The following APPL2 variants were observed in gnomAD, a reference collection of about 807,000 sequenced individuals.
APPL2 encodes DCC-interacting protein 13-beta.
Under a neutral mutation model 92.7 loss-of-function variants are expected in APPL2, and 84 were observed. That is an observed-to-expected ratio of 0.91 (90% CI 0.76 to 1.09). The LOEUF is 1.09. Ranked by LOEUF, APPL2 falls within the 50% of genes least tolerant of loss-of-function variation. The pLI is 0.00. For synonymous variants in APPL2, 291 were observed against 291.0 expected, an observed-to-expected ratio of 1.00 and a Z score of 0.00; for missense variants, 736 against 824.5, an observed-to-expected ratio of 0.89 and a Z score of 1.31.
chr12:105,177,360 A>G, intron 17 of APPL2, 98 bp from the exon 18 acceptor site: 1 of 1,290,200 alleles, frequency 7.8e-7, no homozygotes, highest in Non-Finnish European at 1.1e-6. Flanking sequence ...AATTCCCCGA[A>G]ATAGAGATAA....
chr12:105,234,969 C>G (rs527664918), intron 1 of APPL2, among the ~76,000 whole-genome samples: 1 of 152,056 alleles, frequency 6.6e-6, no homozygotes, highest in Non-Finnish European at 1.5e-5. Flanking sequence ...TCTGAACTGT[C>G]GATGTAGGTA....
Position 105,235,935 on chromosome 12 carries a change from GGGCACCGGAGCGGCGGGA to G in APPL2, c.54+6_54+23del. 3 of 1,238,944 alleles carry G rather than the reference GGGCACCGGAGCGGCGGGA, an allele frequency of 2.4e-6. No homozygotes were observed. The highest frequency in any genetic ancestry group is 3.1e-6 in the Non-Finnish European group (3 of 983,370). 76.7% of individuals were successfully genotyped at this position (1,238,944 alleles called of 1,614,324 possible). On this transcript the variant is annotated splice_donor_region_variant and intron_variant, in intron 1 of 20. Transcript: ENST00000258530. ...CCTCGGCCTCACCCCTGCGGGCGAGGGGCACCGGAGCGGCGGGAGGTACCTGGGGGCTGTCCTGCAACG... is the reference window on the plus strand; with the variant it reads ...CCTCGGCCTCACCCCTGCGGGCGAGGGGTACCTGGGGGCTGTCCTGCAACG...
Position 105,208,095 on chromosome 12 carries a change from G to A in APPL2, c.415+63C>T, listed in dbSNP as rs142348216. 389 of 1,613,330 alleles carry A rather than the reference G, an allele frequency of 2.4e-4. 1 individual carries two copies. In the African/African-American group the frequency reaches 4.7e-3, roughly 20 times the overall value. ...GTCGAAAGGGAAGAACATTCATTGG[G>A]GGTCTCCTCCCCGCCACAGTAAGCC... On this transcript the variant is annotated intron_variant, in intron 6 of 20. Transcript: ENST00000258530.
At chr12:105,186,704 C>CATATATATCAT (rs777376134) in intron 17 of APPL2, among the ~76,000 whole-genome samples, 2 of 101,048 alleles carry the variant, frequency 2.0e-5, no homozygotes, top group African/African-American at 7.2e-5. Context: ...TATATCATAT[C>CATATATATCAT]ATATATCATA....
intron 17 of APPL2, among the ~76,000 whole-genome samples, chr12:105,187,247 G>C (rs1424332684): frequency 1.3e-5 from 2 of 152,188 alleles, no homozygotes; most frequent in Admixed American, 6.5e-5. Flanking sequence ...TGGGCTTAAT[G>C]AATGGAAGAA....
intron 17 of APPL2, among the ~76,000 whole-genome samples, chr12:105,186,651 GATATCATATATATCATATATATGAT>G (rs1205982386): frequency 2.4e-5 from 2 of 83,922 alleles, no homozygotes; most frequent in Non-Finnish European, 4.4e-5. Context: ...ATATGATATC[GATATCATATATATCATATATATGAT>G]ATATCATATA....
chr12:105,186,665 C>CG (rs1886702503), intron 17 of APPL2, among the ~76,000 whole-genome samples: 1 of 109,904 alleles, frequency 9.1e-6, no homozygotes, highest in South Asian at 3.0e-4. Context: ...TCATATATAT[C>CG]ATATATATGA....
At chr12:105,186,622 T>TATAACATATATATGATATCG (rs1886641391) in intron 17 of APPL2, among the ~76,000 whole-genome samples, 1 of 125,678 alleles carries the variant, frequency 8.0e-6, no homozygotes, top group African/African-American at 3.3e-5. Context: ...ATATCATATA[T>TATAACATATATATGATATCG]ATATCATATA....
chr12:105,223,639 A>C (rs1890287751), intron 2 of APPL2, among the ~76,000 whole-genome samples: 1 of 152,228 alleles, frequency 6.6e-6, no homozygotes, highest in Non-Finnish European at 1.5e-5. Context: ...GGCTTGAGGA[A>C]CAAATATCAG....
chr12:105,183,038 C>T (rs183980183), intron 17 of APPL2, among the ~76,000 whole-genome samples: 6 of 147,544 alleles, frequency 4.1e-5, no homozygotes, highest in Admixed American at 3.4e-4. Flanking sequence ...ATTTCAAGTC[C>T]GTTTTATCAG....
intron 17 of APPL2, among the ~76,000 whole-genome samples, chr12:105,180,183 T>A (rs1885979153): frequency 6.6e-6 from 1 of 152,234 alleles, no homozygotes; most frequent in Non-Finnish European, 1.5e-5. Flanking sequence ...CAGTTTCAGT[T>A]TTCTGCATAT....
chr12:105,206,063 G>T (rs1380671871), intron 8 of APPL2, among the ~76,000 whole-genome samples: 1 of 152,132 alleles, frequency 6.6e-6, no homozygotes, highest in African/African-American at 2.4e-5. Flanking sequence ...GATATCTTCC[G>T]AACCCATTTC....
chr12:105,211,627 G>A (rs894793851), intron 4 of APPL2, among the ~76,000 whole-genome samples: 54 of 152,182 alleles, frequency 3.5e-4, no homozygotes, highest in African/African-American at 1.2e-3. Flanking sequence ...CCACCCCACT[G>A]GAGAATCCTA....
intron 17 of APPL2, among the ~76,000 whole-genome samples, chr12:105,183,630 T>C (rs1028136250): frequency 7.2e-5 from 11 of 152,208 alleles, no homozygotes; most frequent in African/African-American, 2.7e-4. Flanking sequence ...AGATCCGCCG[T>C]TAGTCTGATG....
In APPL2 at chr12:105,207,972, T is replaced by C. The variant is rs1056630425; in HGVS notation, c.473A>G (p.Lys158Arg). Residue 158 changes from lysine (K) to arginine (R), a missense_variant and splice_region_variant, in exon 7 of 21, where the codon AAG (lysine) becomes AGG (arginine). By Grantham distance (26) the Lys-to-Arg change is conservative. Transcript: ENST00000258530. ...SRLPKKKENE[K>R]VKTEVGKEVA... ...AAACAACATGTAAAGTATTCTTACC[T>C]TCTCATTCTCCTTTTTCTTAGGCAG... is the stretch of plus-strand genomic sequence containing the variant. 5.0e-6 allele frequency: 8 copies of C among 1,612,336 alleles called. No individual in the cohort carries two copies. The highest frequency in any genetic ancestry group is 6.8e-6 in the Non-Finnish European group (8 of 1,178,428).
intron 14 of APPL2, among the ~76,000 whole-genome samples, chr12:105,192,948 A>G (rs1566063535): frequency 6.6e-6 from 1 of 152,260 alleles, no homozygotes; most frequent in East Asian, 1.9e-4. Flanking sequence ...CAAGAACACA[A>G]TTTCTCTGAT....
intron 16 of APPL2, 98 bp from the exon 17 acceptor site, chr12:105,188,545 G>T: frequency 7.4e-7 from 1 of 1,351,114 alleles, no homozygotes; most frequent in Non-Finnish European, 1.0e-6. Flanking sequence ...TGCTTTCTGT[G>T]GAGGACTTTC....
At chr12:105,200,000 T>G (rs553135149) in intron 9 of APPL2, among the ~76,000 whole-genome samples, 13 of 152,038 alleles carry the variant, frequency 8.6e-5, no homozygotes, top group Admixed American at 2.0e-4. Flanking sequence ...GTTTTTTTTT[T>G]TTTTTTTGTA....
intron 2 of APPL2, among the ~76,000 whole-genome samples, chr12:105,221,988 G>A (rs916538733): frequency 9.9e-5 from 15 of 152,218 alleles, no homozygotes; most frequent in African/African-American, 3.6e-4. Context: ...TGGGGTGGAG[G>A]AAATCCACAT....
Sources: gnomAD v4.1 joint callset for allele counts (sites outside exome capture counted in the v4.1 genomes callset) on GRCh38, gnomAD v4.1.1 for gene constraint, MANE v1.5 for transcripts, NCBI Gene and HGNC (gene_info 2026-07-23, HGNC 2026-07-21) for gene names.